DDI2: variants seen among roughly 807,000 people sequenced by gnomAD.
The protein encoded by DDI2 is protein DDI1 homolog 2.
DDI2 carries 5 observed loss-of-function variants against 48.1 expected under a neutral mutation model. The observed-to-expected ratio is 0.10, with a 90% CI of 0.05 to 0.22. The LOEUF (loss-of-function observed/expected upper bound fraction) is 0.22. Among genes scored for constraint, DDI2 ranks in the 10% least tolerant of loss-of-function variants. The pLI is 1.00. For missense variants in DDI2, 285 were observed against 506.2 expected (o/e 0.56, Z 4.19); for synonymous variants, 205 against 183.6 (o/e 1.12, Z -0.94).
Position 15,664,550 on chromosome 1 carries a change from A to C in DDI2, c.*4760A>C, listed in dbSNP as rs947489208. On this transcript the variant is annotated 3_prime_UTR_variant, in exon 10 of 10. Transcript: ENST00000480945. Reference sequence around the variant, plus strand: ...ATTACAATAGTGAACCTTCATCGTCAGCTTTTATTCAATTAAGAGCTCCAG... The same window carrying C: ...ATTACAATAGTGAACCTTCATCGTCCGCTTTTATTCAATTAAGAGCTCCAG... 1 of 152,194 alleles carries C rather than the reference A, an allele frequency of 6.6e-6. No individual in the cohort carries two copies. The highest frequency in any genetic ancestry group is 2.4e-5 in the African/African-American group (1 of 41,440). 9.4% of individuals were successfully genotyped at this position (152,194 alleles called of 1,614,324 possible). A position where few individuals can be genotyped will look rare whatever the true frequency, so the allele number is the denominator to read the frequency against.
At position 15,665,522 on chromosome 1, in the gene DDI2, A is replaced by G. The variant is rs1461812326; in HGVS notation, c.*5732A>G. 2 of 152,168 alleles carry G rather than the reference A, an allele frequency of 1.3e-5. No homozygotes were observed. The highest frequency in any genetic ancestry group is 2.9e-5 in the Non-Finnish European group (2 of 68,036). The allele number at this position is 152,168 out of a possible 1,614,324, so 9.4% of individuals were successfully genotyped here. A position where few individuals can be genotyped will look rare whatever the true frequency, so the allele number is the denominator to read the frequency against. On this transcript the variant is annotated 3_prime_UTR_variant, in exon 10 of 10. Transcript: ENST00000480945. ...TAATGTGGAATCTGCTGGTTGTCTTACTACAGCTTTCTATCTCCGGTGAAA... is the reference window on the plus strand; with the variant it reads ...TAATGTGGAATCTGCTGGTTGTCTTGCTACAGCTTTCTATCTCCGGTGAAA...
chr1:15,661,531 C>G lies in DDI2; in HGVS notation c.*1741C>G. The G allele has an allele frequency of 1.2e-6, 2 of 1,614,108 alleles. No homozygotes were observed. The highest frequency in any genetic ancestry group is 1.7e-6 in the Non-Finnish European group (2 of 1,180,018). ...TTCGAGGCCATTACTTGAATATGAA[C>G]CACCTACCAGCCATCCATCATCAAG... On this transcript the variant is annotated 3_prime_UTR_variant, in exon 10 of 10. Coordinates refer to ENST00000480945, the MANE Select transcript of DDI2 (RefSeq NM_032341.5).
At chr1:15,635,592 A>G (rs1459497313) in intron 4 of DDI2, among the ~76,000 whole-genome samples, 2 of 152,142 alleles carry the variant, frequency 1.3e-5, no homozygotes, top group South Asian at 2.1e-4. Flanking sequence ...TTTAGTAAAG[A>G]TGGGGTTTCA....
intron 7 of DDI2, among the ~76,000 whole-genome samples, chr1:15,650,441 A>G (rs1557621703): frequency 6.6e-6 from 1 of 152,160 alleles, no homozygotes; most frequent in Non-Finnish European, 1.5e-5. Context: ...TTTTCACAGT[A>G]GGGTTTTATA....
chr1:15,627,627 AG>A (rs1639779466), intron 2 of DDI2, among the ~76,000 whole-genome samples: 1 of 152,220 alleles, frequency 6.6e-6, no homozygotes, highest in East Asian at 1.9e-4. Flanking sequence ...AGCTTTGTTC[AG>A]ATACTTGAAG....
At chr1:15,632,765 A>G (rs896003783) in intron 3 of DDI2, among the ~76,000 whole-genome samples, 3 of 152,002 alleles carry the variant, frequency 2.0e-5, no homozygotes, top group Admixed American at 2.0e-4. Context: ...GTTTCTAGGT[A>G]GTAGGATAAT....
intron 9 of DDI2, among the ~76,000 whole-genome samples, chr1:15,657,424 T>G (rs1037544316): frequency 6.6e-6 from 1 of 152,208 alleles, no homozygotes; most frequent in South Asian, 2.1e-4. Context: ...CTTTTCCTTG[T>G]AAGGATAGGT....
At chr1:15,626,489 A>G (rs1231285021) in intron 1 of DDI2, among the ~76,000 whole-genome samples, 180 bp from the exon 2 acceptor site, 1 of 152,206 alleles carries the variant, frequency 6.6e-6, no homozygotes, top group African/African-American at 2.4e-5. Context: ...GCCAGGGACC[A>G]CATTGTTTGG....
intron 1 of DDI2, among the ~76,000 whole-genome samples, chr1:15,623,557 CTTATTA>C (rs202147595): frequency 3.6e-5 from 3 of 84,062 alleles, no homozygotes; most frequent in Non-Finnish European, 5.6e-5. Flanking sequence ...CCATGCCTGG[CTTATTA>C]TTATTATTAT....
At chr1:15,630,589 A>G in intron 3 of DDI2, 28 bp downstream of exon 3, 1 of 1,513,302 alleles carries the variant, frequency 6.6e-7, no homozygotes, top group Non-Finnish European at 9.2e-7. Flanking sequence ...GAAGGCTATT[A>G]GGCTGGCCTG....
intron 4 of DDI2, among the ~76,000 whole-genome samples, chr1:15,634,838 T>C (rs1570974153): frequency 6.6e-6 from 1 of 152,100 alleles, no homozygotes; most frequent in East Asian, 1.9e-4. Context: ...AGCCCGTCCT[T>C]CTTCTCAATT....
At chr1:15,620,936 A>G (rs1002052601) in intron 1 of DDI2, among the ~76,000 whole-genome samples, 7 of 152,244 alleles carry the variant, frequency 4.6e-5, no homozygotes, top group South Asian at 2.1e-4. Context: ...TTGGTGATCA[A>G]TGGTTTAGAA....
At chr1:15,645,601 G>A (rs1027830358) in intron 6 of DDI2, among the ~76,000 whole-genome samples, 1 of 152,184 alleles carries the variant, frequency 6.6e-6, no homozygotes. Flanking sequence ...GGCCGGGATG[G>A]CTCACACCTA....
At chr1:15,653,288 T>C (rs1049760431) in intron 8 of DDI2, among the ~76,000 whole-genome samples, 6 of 151,746 alleles carry the variant, frequency 4.0e-5, no homozygotes, top group Admixed American at 2.6e-4. Context: ...TTTTATTTTA[T>C]TTATATAGAC....
At chr1:15,651,285 T>G (rs1029174612) in intron 7 of DDI2, among the ~76,000 whole-genome samples, 13 of 152,250 alleles carry the variant, frequency 8.5e-5, no homozygotes, top group African/African-American at 4.8e-5. Flanking sequence ...ATCATATATG[T>G]GCACAACTGT....
At chr1:15,644,840 G>T (rs1285896223) in intron 6 of DDI2, among the ~76,000 whole-genome samples, 1 of 151,530 alleles carries the variant, frequency 6.6e-6, no homozygotes. Context: ...TGATCCGCCC[G>T]CCTCGGCCTC....
At chr1:15,649,005 G>A (rs1640134250) in intron 6 of DDI2, among the ~76,000 whole-genome samples, 1 of 152,172 alleles carries the variant, frequency 6.6e-6, no homozygotes, top group Non-Finnish European at 1.5e-5. Flanking sequence ...CGCCAAGGCA[G>A]GGATGACTGC....
intron 6 of DDI2, among the ~76,000 whole-genome samples, chr1:15,648,845 AAAAAAAAC>A (rs1188714850): frequency 8.1e-4 from 123 of 151,666 alleles, no homozygotes; most frequent in African/African-American, 2.8e-3. Flanking sequence ...AAAAAAAAAA[AAAAAAAAC>A]AACCCTAAAA....
Position 15,663,844 on chromosome 1 carries a change from C to T in DDI2, c.*4054C>T, listed in dbSNP as rs530337824. ...GACAATAGACTCCCTCCTAAAGGGC[C>T]TTCCATGTAAGCAGAACGAACCTTG... On this transcript the variant is annotated 3_prime_UTR_variant, in exon 10 of 10. Coordinates refer to ENST00000480945, the MANE Select transcript of DDI2 (RefSeq NM_032341.5). 6.6e-6 allele frequency: 1 copy of T among 152,218 alleles called. No individual in the cohort carries two copies. The highest frequency in any genetic ancestry group is 2.4e-5 in the African/African-American group (1 of 41,522). The allele number at this position is 152,218 out of a possible 1,614,324, so 9.4% of individuals were successfully genotyped here. A position where few individuals can be genotyped will look rare whatever the true frequency, so the allele number is the denominator to read the frequency against.
Sources: gnomAD v4.1 joint callset for allele counts (sites outside exome capture counted in the v4.1 genomes callset) on GRCh38, gnomAD v4.1.1 for gene constraint, MANE v1.5 for transcripts, NCBI Gene and HGNC (gene_info 2026-07-23, HGNC 2026-07-21) for gene names.